ATP2B2: variants seen among roughly 807,000 people sequenced by gnomAD.
ATP2B2 encodes plasma membrane calcium-transporting ATPase 2.
A neutral mutation model predicts 120.0 loss-of-function variants in ATP2B2; 15 were observed. The ratio of observed to expected loss-of-function variants is 0.12; its 90% CI spans 0.08 to 0.19. The LOEUF is 0.19. Ranked by LOEUF, ATP2B2 falls within the 10% of genes least tolerant of loss-of-function variation. The probability of loss-of-function intolerance (pLI) is 1.00; values close to 1 mark genes in which losing one functional copy is unlikely to be tolerated. For missense variants in ATP2B2, 1,045 were observed against 1,719.8 expected (o/e 0.61, Z 6.94); for synonymous variants, 694 against 700.3 (o/e 0.99, Z 0.14).
At chr3:10,492,342 G>C (rs1254366094) in intron 1 of ATP2B2, among the ~76,000 whole-genome samples, 1 of 152,162 alleles carries the variant, frequency 6.6e-6, no homozygotes, top group Non-Finnish European at 1.5e-5. Context: ...CCTTTATTAA[G>C]GCCTGGCCCC....
intron 5 of ATP2B2, among the ~76,000 whole-genome samples, chr3:10,399,001 C>A (rs1365343450): frequency 1.3e-5 from 2 of 152,202 alleles, no homozygotes; most frequent in Non-Finnish European, 2.9e-5. Context: ...TGCACCTGTG[C>A]CCTCCTCCTT....
rs766839476 is a variant in ATP2B2 at position 10,360,018 on chromosome 3, T to A, written c.1765A>T (p.Ser589Cys). Residue 589 changes from serine (S) to cysteine (C), a missense_variant, in exon 13 of 23, where the codon AGC (serine) becomes TGC (cysteine). Transcript: ENST00000360273. ...DLKQDYEPVR[S>C]QMPEEKLYKV... The stretch of plus-strand genomic sequence containing the variant: ...TACAACTTCTCCTCTGGCATCTGGC[T>A]GCGCACGGGCTCGTAGTCCTGCTTC... 1 of 1,614,226 alleles carries A rather than the reference T, an allele frequency of 6.2e-7. No individual in the cohort carries two copies. The highest frequency in any genetic ancestry group is 1.1e-5 in the South Asian group (1 of 91,090).
chr3:10,694,637 C>T (rs949673198), intron 1 of ATP2B2, among the ~76,000 whole-genome samples: 30 of 152,196 alleles, frequency 2.0e-4, no homozygotes, highest in African/African-American at 6.7e-4. Flanking sequence ...TATATGGCAC[C>T]TATTTCTTCT....
intron 3 of ATP2B2, among the ~76,000 whole-genome samples, chr3:10,522,411 G>C (rs966468000): frequency 6.6e-6 from 1 of 152,162 alleles, no homozygotes; most frequent in African/African-American, 2.4e-5. Context: ...CACAGCCTGA[G>C]ACCTTCCCTG....
intron 16 of ATP2B2, among the ~76,000 whole-genome samples, chr3:10,349,427 C>T (rs2060515646): frequency 6.6e-6 from 1 of 152,076 alleles, no homozygotes; most frequent in African/African-American, 2.4e-5. Context: ...TGCACTCTAG[C>T]TTGGGTGACA....
intron 1 of ATP2B2, among the ~76,000 whole-genome samples, chr3:10,671,358 C>T (rs148892773): frequency 1.3e-4 from 20 of 152,266 alleles, no homozygotes; most frequent in African/African-American, 3.6e-4. Context: ...TACCTTCAGG[C>T]AGTATGGGCT....
At chr3:10,429,379 A>G (rs975106526) in intron 2 of ATP2B2, among the ~76,000 whole-genome samples, 5 of 152,202 alleles carry the variant, frequency 3.3e-5, no homozygotes, top group African/African-American at 1.2e-4. Context: ...TTCCAATAGC[A>G]CATGCTCACC....
At chr3:10,572,918 C>A (rs2068159072) in intron 2 of ATP2B2, among the ~76,000 whole-genome samples, 1 of 152,160 alleles carries the variant, frequency 6.6e-6, no homozygotes, top group South Asian at 2.1e-4. Flanking sequence ...AAGTCCAGTG[C>A]TCTTTCTATT....
intron 2 of ATP2B2, among the ~76,000 whole-genome samples, chr3:10,610,597 T>C (rs1278968618): frequency 6.6e-6 from 1 of 152,212 alleles, no homozygotes; most frequent in East Asian, 1.9e-4. Flanking sequence ...GGTTCCAAAT[T>C]AAGAATGTTC....
intron 1 of ATP2B2, among the ~76,000 whole-genome samples, chr3:10,491,470 C>T (rs577750726): frequency 1.3e-5 from 2 of 152,288 alleles, no homozygotes; most frequent in Admixed American, 6.5e-5. Flanking sequence ...AAGTGATCTG[C>T]CCACCTTGGC....
In ATP2B2 at chr3:10,340,214, C is replaced by T; in HGVS notation, c.3237+28G>A. The T allele has an allele frequency of 6.2e-7, 1 of 1,606,572 alleles. No homozygotes were observed. Among genetic ancestry groups the T allele is most frequent in the Non-Finnish European group, 8.5e-7 (1 of 1,174,192 alleles). ...CTGTCTCCCTTGCCCTGCTAACAGG[C>T]ACCTCCTGCGACCTACCAGGAACTT... On this transcript the variant is annotated intron_variant, in intron 21 of 22. Transcript: ENST00000360273. The surrounding 1 kb of genome is among the most constrained non-coding windows in gnomAD (Gnocchi z 5.0).
intron 2 of ATP2B2, among the ~76,000 whole-genome samples, chr3:10,542,461 A>G (rs771277757): frequency 1.8e-4 from 28 of 152,206 alleles, no homozygotes; most frequent in Admixed American, 4.6e-4. Flanking sequence ...TGATGTCCCA[A>G]GAATTCTTTT....
intron 1 of ATP2B2, among the ~76,000 whole-genome samples, chr3:10,472,161 A>G (rs1436660922): frequency 6.6e-6 from 1 of 152,090 alleles, no homozygotes; most frequent in East Asian, 1.9e-4. Flanking sequence ...AGAGGAAGAC[A>G]CAGAGGAACT....
chr3:10,662,379 T>A (rs1407220628), intron 1 of ATP2B2, among the ~76,000 whole-genome samples: 1 of 148,684 alleles, frequency 6.7e-6, no homozygotes, highest in Non-Finnish European at 1.5e-5. Flanking sequence ...TACAAAGAAC[T>A]CAAACAAATT....
intron 1 of ATP2B2, among the ~76,000 whole-genome samples, chr3:10,632,120 C>T (rs1243662809): frequency 2.6e-5 from 4 of 152,224 alleles, no homozygotes; most frequent in African/African-American, 9.6e-5. Flanking sequence ...GGGCTGAATC[C>T]AGCCTGCAGA....
chr3:10,680,213 G>C (rs541105000), intron 1 of ATP2B2, among the ~76,000 whole-genome samples: 73 of 152,264 alleles, frequency 4.8e-4, no homozygotes, highest in African/African-American at 1.7e-3. Flanking sequence ...TGGCCCTAGG[G>C]GAGATCACTG....
chr3:10,539,776 C>T (rs928350229), intron 2 of ATP2B2, among the ~76,000 whole-genome samples: 1 of 152,164 alleles, frequency 6.6e-6, no homozygotes, highest in African/African-American at 2.4e-5. Context: ...TAGAAGAAAA[C>T]CTAGGCAATA....
chr3:10,475,192 A>G (rs2065158195), intron 1 of ATP2B2, among the ~76,000 whole-genome samples: 1 of 152,252 alleles, frequency 6.6e-6, no homozygotes. Context: ...AAATGAAGAG[A>G]CAAAAGCAAG....
At chr3:10,465,971 T>C (rs2064721770) in intron 1 of ATP2B2, among the ~76,000 whole-genome samples, 1 of 152,262 alleles carries the variant, frequency 6.6e-6, no homozygotes, top group Non-Finnish European at 1.5e-5. Flanking sequence ...AAGGGAACAG[T>C]GTTTACAAAG....
Sources: gnomAD v4.1 joint callset for allele counts (sites outside exome capture counted in the v4.1 genomes callset) on GRCh38, gnomAD v4.1.1 for gene constraint, Gnocchi (gnomAD v3.1) non-coding constraint, MANE v1.5 for transcripts, NCBI Gene and HGNC (gene_info 2026-07-23, HGNC 2026-07-21) for gene names.